Variants in MYOF observed in about 807,000 individuals in gnomAD.
MYOF encodes the protein fer-1-like 3, myoferlin.
A neutral mutation model predicts 284.2 loss-of-function variants in MYOF; 244 were observed. That is an observed-to-expected ratio of 0.86 (90% CI 0.77 to 0.95). The LOEUF (loss-of-function observed/expected upper bound fraction) is 0.95. Ranked by LOEUF, MYOF falls within the 40% of genes least tolerant of loss-of-function variation. MYOF has a pLI of 0.00. For synonymous variants in MYOF, 904 were observed against 919.7 expected (o/e 0.98, Z 0.31); for missense variants, 2,496 against 2,560.6 (o/e 0.97, Z 0.54).
At chr10:93,310,236 C>T (rs1842321110) in intron 52 of MYOF, 69 bp from the exon 53 acceptor site, 2 of 1,546,758 alleles carry the variant, frequency 1.3e-6, no homozygotes, top group Non-Finnish European at 1.8e-6. Flanking sequence ...CAGAGCATAA[C>T]ACAGTTTCAG....
intron 24 of MYOF, among the ~76,000 whole-genome samples, chr10:93,370,169 A>G (rs1334782835): frequency 6.6e-6 from 1 of 152,204 alleles, no homozygotes; most frequent in Non-Finnish European, 1.5e-5. Flanking sequence ...TGGACCTAGT[A>G]GTAACAGTAA....
chr10:93,326,201 A>G (rs986095669), intron 45 of MYOF, among the ~76,000 whole-genome samples: 5 of 152,104 alleles, frequency 3.3e-5, no homozygotes, highest in Non-Finnish European at 7.3e-5. Context: ...GGGCCAGGAC[A>G]CCAGAACGGG....
rs2056698919 is a variant in MYOF at position 93,454,958 on chromosome 10, G to A, written c.144+1924C>T. On this transcript the variant is annotated intron_variant, in intron 2 of 53. Coordinates refer to ENST00000359263, the MANE Select transcript of MYOF (RefSeq NM_013451.4). ...TACACCACTGCATTCCAGCCTGGGT[G>A]ACAGAGCGAGACCCTGTCTTTTTTT... Among the ~76,000 whole-genome samples, 5 of 139,120 alleles carry A rather than the reference G, an allele frequency of 3.6e-5. No homozygotes were observed. In the South Asian group the frequency reaches 1.2e-3, roughly 33 times the overall value. The allele number at this position is 139,120 out of a possible 152,430, so 91.3% of individuals were successfully genotyped here.
chr10:93,346,943 A>C (rs965144024), intron 37 of MYOF, among the ~76,000 whole-genome samples: 1 of 152,202 alleles, frequency 6.6e-6, no homozygotes, highest in Non-Finnish European at 1.5e-5. Flanking sequence ...ATGTGGGAAC[A>C]GCTCTCCCTG....
chr10:93,461,720 C>T (rs74318528), intron 1 of MYOF, among the ~76,000 whole-genome samples: 7,937 of 152,166 alleles, frequency 0.052, 290 homozygotes, highest in Non-Finnish European at 0.074. Flanking sequence ...AGGGGGCAAA[C>T]GGGCTTTGTG....
At chr10:93,416,416 C>T (rs1331083904) in intron 5 of MYOF, among the ~76,000 whole-genome samples, 8 of 151,700 alleles carry the variant, frequency 5.3e-5, no homozygotes, top group Non-Finnish European at 8.8e-5. Flanking sequence ...CCCAGCTACT[C>T]GGGAGGCTGA....
At chr10:93,357,529 G>C (rs551097812) in intron 29 of MYOF, among the ~76,000 whole-genome samples, 10 of 152,160 alleles carry the variant, frequency 6.6e-5, no homozygotes, top group Non-Finnish European at 1.2e-4. Flanking sequence ...TCATGCAGCT[G>C]ACATTTTCAT....
intron 53 of MYOF, among the ~76,000 whole-genome samples, 199 bp from the exon 54 acceptor site, chr10:93,307,200 AGT>A (rs1206461357): frequency 9.9e-4 from 147 of 148,020 alleles, no homozygotes; most frequent in Non-Finnish European, 1.2e-3. Flanking sequence ...CCCCCCGCCA[AGT>A]TGTTGCAACC....
intron 1 of MYOF, among the ~76,000 whole-genome samples, chr10:93,470,739 G>A (rs1196983146): frequency 6.6e-6 from 1 of 152,130 alleles, no homozygotes; most frequent in Non-Finnish European, 1.5e-5. Context: ...CCCATTTACA[G>A]CCTAGACTAT....
chr10:93,424,856 G>A (rs752289403), intron 5 of MYOF, among the ~76,000 whole-genome samples: 125 of 149,124 alleles, frequency 8.4e-4, no homozygotes, highest in Non-Finnish European at 1.6e-3. Flanking sequence ...ACCAAGAGAA[G>A]CAAGAAGAAG....
intron 1 of MYOF, among the ~76,000 whole-genome samples, chr10:93,464,624 TC>T (rs956722223): frequency 6.6e-6 from 1 of 151,938 alleles, no homozygotes; most frequent in African/African-American, 2.4e-5. Context: ...AAGCTCAGAG[TC>T]CCTCATATAT....
intron 5 of MYOF, among the ~76,000 whole-genome samples, chr10:93,415,279 T>C (rs1293648778): frequency 6.6e-6 from 1 of 152,148 alleles, no homozygotes; most frequent in Non-Finnish European, 1.5e-5. Context: ...AACCCTCCAC[T>C]GACTTCACCT....
intron 1 of MYOF, among the ~76,000 whole-genome samples, chr10:93,473,815 G>A (rs911867531): frequency 6.6e-6 from 1 of 152,176 alleles, no homozygotes; most frequent in African/African-American, 2.4e-5. Context: ...AATGAACCAT[G>A]GCTCAGCTTG....
chr10:93,313,008 A>T lies in MYOF; in HGVS notation c.5889+12T>A. 2 of 1,592,520 alleles carry T rather than the reference A, an allele frequency of 1.3e-6. No individual in the cohort carries two copies. The highest frequency in any genetic ancestry group is 1.7e-6 in the Non-Finnish European group (2 of 1,169,480). On this transcript the variant is annotated intron_variant, in intron 51 of 53. Transcript: ENST00000359263. ...TAAACGATTTTCAACCAGAACCAGG[A>T]AATGTTCATACAGCCATTACGCGGG...
At chr10:93,355,136 TTA>T (rs1185735810) in intron 31 of MYOF, among the ~76,000 whole-genome samples, 3 of 152,240 alleles carry the variant, frequency 2.0e-5, no homozygotes, top group Admixed American at 6.5e-5. Flanking sequence ...ACCCTTCACC[TTA>T]TATGTGATAT....
rs1244551702 is a variant in MYOF at position 93,408,747 on chromosome 10, G to A, written c.729+40C>T. ...CTGCTCCCGTGTTTCCCTCCCCAGT[G>A]GGACTCATGAGCAGAAACATGCCCT... On this transcript the variant is annotated intron_variant, in intron 7 of 53. Transcript: ENST00000359263. The A allele has an allele frequency of 4.3e-6, 7 of 1,612,876 alleles. No homozygotes were observed. In the South Asian group the frequency reaches 5.5e-5, roughly 13 times the overall value.
chr10:93,466,486 G>T (rs1200993060), intron 1 of MYOF, among the ~76,000 whole-genome samples: 1 of 152,192 alleles, frequency 6.6e-6, no homozygotes, highest in Non-Finnish European at 1.5e-5. Flanking sequence ...CAAGGGAGCT[G>T]CAGTGAAGTC....
intron 3 of MYOF, among the ~76,000 whole-genome samples, chr10:93,447,203 C>T (rs542004097): frequency 3.9e-5 from 6 of 152,318 alleles, no homozygotes; most frequent in South Asian, 2.1e-4. Flanking sequence ...ATAGACTGCA[C>T]GTGAACTTGT....
chr10:93,428,876 G>C (rs547059549), intron 4 of MYOF, among the ~76,000 whole-genome samples: 3 of 152,232 alleles, frequency 2.0e-5, no homozygotes, highest in African/African-American at 7.2e-5. Context: ...CCACCCCCTT[G>C]ATCTGTGGTT....
Sources: gnomAD v4.1 joint callset for allele counts (sites outside exome capture counted in the v4.1 genomes callset) on GRCh38, gnomAD v4.1.1 for gene constraint, MANE v1.5 for transcripts, NCBI Gene and HGNC (gene_info 2026-07-23, HGNC 2026-07-21) for gene names.